The following KLF13 variants were observed in gnomAD, a reference collection of about 807,000 sequenced individuals.
KLF13 encodes the protein Krueppel-like factor 13.
KLF13 carries 8 observed loss-of-function variants against 16.7 expected under a neutral mutation model. The observed-to-expected ratio is 0.48, with a 90% CI of 0.28 to 0.87. The LOEUF (loss-of-function observed/expected upper bound fraction) is 0.87, where lower values mean the gene tolerates loss of function less well. Ranked by LOEUF, KLF13 falls within the 40% of genes least tolerant of loss-of-function variation. KLF13 has a pLI of 0.10. For synonymous variants in KLF13, 245 were observed against 208.4 expected, an observed-to-expected ratio of 1.18 and a Z score of -1.51; for missense variants, 447 against 452.2, an observed-to-expected ratio of 0.99 and a Z score of 0.10.
chr15:31,343,421 C>G (rs1342888617), intron 1 of KLF13, among the ~76,000 whole-genome samples: 1 of 152,340 alleles, frequency 6.6e-6, no homozygotes, highest in Non-Finnish European at 1.5e-5. Context: ...AGTCTGCACA[C>G]CTCCCACCAG....
intron 1 of KLF13, among the ~76,000 whole-genome samples, chr15:31,348,328 G>C (rs960407875): frequency 6.6e-6 from 1 of 152,198 alleles, no homozygotes; most frequent in African/African-American, 2.4e-5. Flanking sequence ...TGTCAGCCCA[G>C]CCTCCAGTGC....
intron 1 of KLF13, among the ~76,000 whole-genome samples, chr15:31,431,264 G>A (rs963721774): frequency 6.6e-6 from 1 of 151,864 alleles, no homozygotes; most frequent in Non-Finnish European, 1.5e-5. Flanking sequence ...CTCCAGAACT[G>A]TGAAAAATAA....
rs560750487 is a variant in KLF13, at chr15:31,402,807, G to C, written n.530-621G>C. On this transcript the variant is annotated intron_variant and non_coding_transcript_variant, in intron 2 of 2. Transcript: ENST00000500533. ...CCCCTGGGATGTGTAGGCTGTTCTG[G>C]CTCAGCCAACAGCAGTATATGGGTC... is the stretch of plus-strand genomic sequence containing the variant. 1.1e-4 allele frequency among the ~76,000 whole-genome samples: 16 copies of C among 152,258 alleles called. No homozygotes were observed. The South Asian group carries it at 3.3e-3, about 32-fold the overall frequency.
rs547191292 is a variant in KLF13 at position 31,357,916 on chromosome 15, ACT to A, written c.578-14089_578-14088del. On this transcript the variant is annotated intron_variant, in intron 1 of 1. Coordinates refer to ENST00000307145, the MANE Select transcript of KLF13 (RefSeq NM_015995.4). ...TTCTTGCTTCCAGATTATTTTTGTT[ACT>A]CTCTTTCCCTTTTGCTTTGTCTGTT... Among the ~76,000 whole-genome samples, 8 of 150,254 alleles carry A rather than the reference ACT, an allele frequency of 5.3e-5. No homozygotes were observed. The South Asian group carries it at 1.5e-3, about 28-fold the overall frequency.
chr15:31,420,508 C>A, intron 1 of KLF13: 1 of 609,580 alleles, frequency 1.6e-6, no homozygotes, highest in Non-Finnish European at 3.1e-6. Context: ...TACTGTATGG[C>A]ATCAGGACCA....
chr15:31,327,797 G>T lies in KLF13; in HGVS notation c.577+8G>T. The T allele has an allele frequency of 6.8e-7, 1 of 1,471,808 alleles. No individual in the cohort carries two copies. The highest frequency in any genetic ancestry group is 9.1e-7 in the Non-Finnish European group (1 of 1,100,986). 91.2% of individuals were successfully genotyped at this position (1,471,808 alleles called of 1,614,324 possible). ...ACCTGAGAACTCACACAGGTCAGTG[G>T]GGCGGCGCGGGCGCCCGGATCGCGC... is the stretch of plus-strand genomic sequence containing the variant. On this transcript the variant is annotated splice_region_variant and intron_variant, in intron 1 of 1. Transcript: ENST00000307145.
intron 1 of KLF13, among the ~76,000 whole-genome samples, chr15:31,409,901 A>T (rs2040171327): frequency 1.3e-5 from 2 of 152,210 alleles, no homozygotes; most frequent in Admixed American, 1.3e-4. Context: ...GCAGAAAAAA[A>T]TACGATACCA....
intron 1 of KLF13, among the ~76,000 whole-genome samples, chr15:31,337,462 G>A (rs1176083301): frequency 6.6e-6 from 1 of 151,894 alleles, no homozygotes; most frequent in Non-Finnish European, 1.5e-5. Flanking sequence ...TTGCATGGCA[G>A]GCCCTTTCTA....
intron 1 of KLF13, among the ~76,000 whole-genome samples, chr15:31,414,285 A>G (rs2040230695): frequency 6.6e-6 from 1 of 152,196 alleles, no homozygotes; most frequent in African/African-American, 2.4e-5. Context: ...CTTAATGCAG[A>G]AAAAGCAGTA....
intron 1 of KLF13, among the ~76,000 whole-genome samples, chr15:31,434,647 C>T (rs916038286): frequency 7.2e-5 from 11 of 152,136 alleles, no homozygotes; most frequent in African/African-American, 1.9e-4. Context: ...GGGCCTGAAG[C>T]GGGTTAAGAG....
intron 2 of KLF13, among the ~76,000 whole-genome samples, chr15:31,394,890 G>A (rs2039934154): frequency 6.6e-6 from 1 of 152,134 alleles, no homozygotes; most frequent in Non-Finnish European, 1.5e-5. Flanking sequence ...CAAACAATAT[G>A]TGGCTTTTTT....
intron 1 of KLF13, among the ~76,000 whole-genome samples, chr15:31,329,430 C>CTCTG (rs2038786924): frequency 6.6e-6 from 1 of 151,460 alleles, no homozygotes; most frequent in Non-Finnish European, 1.5e-5. Context: ...TTTCTACGGC[C>CTCTG]TCTGTCAGGG....
intron 1 of KLF13, among the ~76,000 whole-genome samples, chr15:31,343,620 CTGGATTTCATGTTAGGAGATGA>C (rs2039065503): frequency 6.6e-6 from 1 of 152,210 alleles, no homozygotes; most frequent in South Asian, 2.1e-4. Flanking sequence ...GGAGCAAGAA[CTGGATTTCATGTTAGGAGATGA>C]TTTCCAACTT....
chr15:31,348,540 C>T (rs1194762401), intron 1 of KLF13, among the ~76,000 whole-genome samples: 1 of 152,140 alleles, frequency 6.6e-6, no homozygotes, highest in Non-Finnish European at 1.5e-5. Context: ...AGCATAGAGC[C>T]CAGGAAGCCC....
At chr15:31,424,305 A>T (rs367665132) in intron 1 of KLF13, among the ~76,000 whole-genome samples, 1 of 152,204 alleles carries the variant, frequency 6.6e-6, no homozygotes, top group Non-Finnish European at 1.5e-5. Context: ...ATTAATATTG[A>T]TGCAAAAATC....
At chr15:31,368,030 TTG>T (rs2140963200) in intron 1 of KLF13, among the ~76,000 whole-genome samples, 1 of 132,484 alleles carries the variant, frequency 7.5e-6, no homozygotes, top group East Asian at 2.3e-4. Context: ...CCCTTCTCAC[TTG>T]CTGCCTTCCC....
chr15:31,327,494 C>G lies in KLF13; in HGVS notation c.282C>G (p.Thr94=). 4.3e-6 allele frequency: 5 copies of G among 1,168,286 alleles called. No homozygotes were observed. Among genetic ancestry groups the G allele is most frequent in the Non-Finnish European group, 5.3e-6 (5 of 948,210 alleles). 72.4% of individuals were successfully genotyped at this position (1,168,286 alleles called of 1,614,324 possible). ...GCGCCGCGGCCCGGAAGGCGAGGACCCCCTGCCGCCTGCCGCCGCCCGCCC... is the reference window on the plus strand; with the variant it reads ...GCGCCGCGGCCCGGAAGGCGAGGACGCCCTGCCGCCTGCCGCCGCCCGCCC... ...REGAAARKAR[T]PCRLPPPAPE... The change falls in exon 1 of 2, where the codon ACC becomes ACG. Residue 94 remains threonine (T), a synonymous_variant. Transcript: ENST00000307145.
rs76540216 is a variant in KLF13, at chr15:31,377,308, T to TAG, written c.*5014_*5015dup. On this transcript the variant is annotated 3_prime_UTR_variant, in exon 2 of 2. Transcript: ENST00000307145. ...GAGACTTTGCTCCCTGGCCTCATCC[T>TAG]AGAGAGGCCCCTGGTGCCTAGTGCT... is the stretch of plus-strand genomic sequence containing the variant. 38,314 of 152,538 alleles carry TAG rather than the reference T, an allele frequency of 0.25. 5,975 individuals are homozygous for TAG. Among genetic ancestry groups the TAG allele is most frequent in the Non-Finnish European group, 0.34 (23,325 of 67,946 alleles). 9.4% of individuals were successfully genotyped at this position (152,538 alleles called of 1,614,324 possible). A position where few individuals can be genotyped will look rare whatever the true frequency, so the allele number is the denominator to read the frequency against.
In KLF13 at chr15:31,375,498, G is replaced by GCA. The variant is rs1194423050; in HGVS notation, c.*3199_*3200insCA. On this transcript the variant is annotated 3_prime_UTR_variant, in exon 2 of 2. Coordinates refer to ENST00000307145, the MANE Select transcript of KLF13 (RefSeq NM_015995.4). The stretch of plus-strand genomic sequence containing the variant: ...AGTGAAAACTCAAACCCTTATTTTG[G>GCA]GACTTCAGTTCTCGTGGTCCATAGG... 292 of 152,264 alleles carry GCA rather than the reference G, an allele frequency of 1.9e-3. 1 individual carries two copies. Among genetic ancestry groups the GCA allele is most frequent in the African/African-American group, 6.5e-3 (269 of 41,544 alleles). 9.4% of individuals were successfully genotyped at this position (152,264 alleles called of 1,614,324 possible). A position where few individuals can be genotyped will look rare whatever the true frequency, so the allele number is the denominator to read the frequency against.
Sources: allele counts gnomAD v4.1 joint callset (sites outside exome capture counted in the v4.1 genomes callset), GRCh38; gene constraint gnomAD v4.1.1; transcripts MANE v1.5; gene names NCBI Gene and HGNC (gene_info 2026-07-23, HGNC 2026-07-21).